The following PP2D1 variants were observed in gnomAD, a reference collection of about 807,000 sequenced individuals.
The protein encoded by PP2D1 is protein phosphatase 2C like domain containing 1, also known as protein phosphatase 2C-like domain-containing protein 1.
Under a neutral mutation model 30.2 loss-of-function variants are expected in PP2D1, and 25 were observed. The observed-to-expected ratio is 0.83, with a 90% CI of 0.60 to 1.16. The LOEUF (loss-of-function observed/expected upper bound fraction) is 1.16, where lower values mean the gene tolerates loss of function less well. Among genes scored for constraint, PP2D1 ranks in the 50% most tolerant of loss-of-function variants. The pLI, the probability that PP2D1 is intolerant of heterozygous loss-of-function variation, is 0.00. For missense variants in PP2D1, 760 were observed against 742.4 expected, an observed-to-expected ratio of 1.02 and a Z score of -0.28; for synonymous variants, 260 against 258.9, an observed-to-expected ratio of 1.00 and a Z score of -0.04.
At position 19,985,978 on chromosome 3, in the gene PP2D1, A is replaced by G; in HGVS notation, c.1295T>C (p.Ile432Thr). 3 of 1,536,180 alleles carry G rather than the reference A, an allele frequency of 2.0e-6. No homozygotes were observed. Among genetic ancestry groups the G allele is most frequent in the Non-Finnish European group, 2.6e-6 (3 of 1,146,868 alleles). Residue 432 changes from isoleucine to threonine, a missense_variant, in exon 3 of 3, where the codon ATT becomes ACT. By Grantham distance (89) the Ile-to-Thr change is moderately conservative. Around this residue, in one of 3 missense-constraint regions of PP2D1, gnomAD observed 369 missense variants for 316.2 expected, o/e 1.17. Transcript: ENST00000389050. ...FHGNLKLKKS[I>T]IPAPQTISVP... is the part of the protein sequence containing the mutation. ...AGAAATAGTTTGAGGTGCTGGGATAATGGATTTTTTCAGCTTGAGATTTCC... is the reference window on the plus strand; with the variant it reads ...AGAAATAGTTTGAGGTGCTGGGATAGTGGATTTTTTCAGCTTGAGATTTCC...
chr3:19,984,558 G>A (rs931955247), downstream of PP2D1: 11 of 176,068 alleles, frequency 6.2e-5, no homozygotes, highest in Non-Finnish European at 1.3e-4. Flanking sequence ...CCAGGTGTCT[G>A]TGATTTCTAA....
rs1697016598 is a variant in PP2D1, at chr3:19,985,545, A to T, written c.1728T>A (p.Asp576Glu). ...CTGATTCTTTTTCATTTGTTGCCAC[A>T]TCATTTACACTAGTTGGTCTGTCAG... ...KVTDRPTSVN[D>E]VATNEKESDT... Residue 576 changes from aspartate (D) to glutamate (E), a missense_variant, in exon 3 of 3, where the codon GAT (aspartate) becomes GAA (glutamate). Around this residue, in one of 3 missense-constraint regions of PP2D1, gnomAD observed 369 missense variants for 316.2 expected, o/e 1.17. Transcript: ENST00000389050. 2.6e-6 allele frequency: 4 copies of T among 1,536,070 alleles called. No homozygotes were observed. In the South Asian group the frequency reaches 3.6e-5, roughly 14 times the overall value.
chr3:19,983,147 G>A (rs1261250921), downstream of PP2D1, among the ~76,000 whole-genome samples: 1 of 151,952 alleles, frequency 6.6e-6, no homozygotes, highest in Non-Finnish European at 1.5e-5. Context: ...GATCAGCCTG[G>A]GCAACATGGT....
In PP2D1 at chr3:20,012,217, G is replaced by A. The variant is rs375400486; in HGVS notation, c.-145C>T. The A allele has an allele frequency of 7.9e-5, 52 of 662,116 alleles. No individual in the cohort carries two copies. The African/African-American group carries it at 8.2e-4, about 10-fold the overall frequency. The allele number at this position is 662,116 out of a possible 1,614,324, so 41.0% of individuals were successfully genotyped here. A position where few individuals can be genotyped will look rare whatever the true frequency, so the allele number is the denominator to read the frequency against. On this transcript the variant is annotated 5_prime_UTR_variant, in exon 1 of 3. Transcript: ENST00000389050. ...AAGTAGTGGTGATGGTGATGATAGC[G>A]ATGGTGGGCATTCCCCTCACTTGAT...
Position 19,985,898 on chromosome 3 carries a change from C to G in PP2D1, c.1375G>C (p.Glu459Gln), listed in dbSNP as rs1471315564. The G allele has an allele frequency of 1.8e-5, 28 of 1,536,316 alleles. No individual in the cohort carries two copies. The highest frequency in any genetic ancestry group is 2.4e-5 in the Non-Finnish European group (27 of 1,146,966). Residue 459 changes from glutamate to glutamine, a missense_variant, in exon 3 of 3, where the codon GAA becomes CAA. Glu to Gln is a conservative substitution (Grantham distance 29, BLOSUM62 2). Coordinates refer to ENST00000389050, the MANE Select transcript of PP2D1 (RefSeq NM_001252657.2). Reference protein sequence around the residue: ...FLIVATNGLWEVLDKEEVTAL... With the variant: ...FLIVATNGLWQVLDKEEVTAL... ...GTAACTTCCTCTTTATCCAAAACTT[C>G]CCAAAGTCCATTAGTAGCTACAATA...
intron 2 of PP2D1, among the ~76,000 whole-genome samples, chr3:19,998,467 C>T (rs1697210656): frequency 6.6e-6 from 1 of 152,134 alleles, no homozygotes; most frequent in African/African-American, 2.4e-5. Flanking sequence ...GTGTTCCCAA[C>T]ACAAAGAAAT....
chr3:19,981,681 G>A (rs926011580), downstream of PP2D1, among the ~76,000 whole-genome samples: 3 of 152,030 alleles, frequency 2.0e-5, no homozygotes, highest in African/African-American at 4.8e-5. Context: ...TAGCCCCATT[G>A]TAAGTCAAGG....
intron 2 of PP2D1, among the ~76,000 whole-genome samples, chr3:19,995,994 A>G (rs1474555953): frequency 6.6e-6 from 1 of 152,186 alleles, no homozygotes; most frequent in East Asian, 1.9e-4. Context: ...ATTTATAGTA[A>G]TAAACTCCAA....
intron 2 of PP2D1, among the ~76,000 whole-genome samples, chr3:19,997,186 C>T (rs1184316810): frequency 6.8e-6 from 1 of 146,444 alleles, no homozygotes; most frequent in Non-Finnish European, 1.5e-5. Context: ...GGGAGCAGAT[C>T]CCACTACTGA....
At chr3:19,991,899 T>G (rs577629653) in intron 2 of PP2D1, among the ~76,000 whole-genome samples, 1 of 152,154 alleles carries the variant, frequency 6.6e-6, no homozygotes, top group East Asian at 1.9e-4. Flanking sequence ...AGGCTTAAGA[T>G]AGTAGGCAGT....
At chr3:19,987,367 A>G (rs938477037) in intron 2 of PP2D1, among the ~76,000 whole-genome samples, 5 of 152,300 alleles carry the variant, frequency 3.3e-5, no homozygotes, top group Admixed American at 6.5e-5. Context: ...TAAATTACAT[A>G]TAATTACATA....
intron 1 of PP2D1, among the ~76,000 whole-genome samples, chr3:20,010,902 C>T (rs1697377301): frequency 6.6e-6 from 1 of 152,164 alleles, no homozygotes; most frequent in African/African-American, 2.4e-5. Flanking sequence ...GATGAGGATG[C>T]ACCCTGCCCT....
Position 20,012,084 on chromosome 3 carries a change from A to G in PP2D1, c.-12T>C. On this transcript the variant is annotated 5_prime_UTR_variant, in exon 1 of 3. Transcript: ENST00000389050. ...TTATTGGTGCTCATGTTCCTTTGGA[A>G]TTACCTTTCTTTGCCCTCCCTTTAT... 6.5e-7 allele frequency: 1 copy of G among 1,531,462 alleles called. No individual in the cohort carries two copies. Among genetic ancestry groups the G allele is most frequent in the Non-Finnish European group, 8.7e-7 (1 of 1,143,900 alleles). The allele number at this position is 1,531,462 out of a possible 1,614,324, so 94.9% of individuals were successfully genotyped here. A position where few individuals can be genotyped will look rare whatever the true frequency, so the allele number is the denominator to read the frequency against.
chr3:19,986,975 TGTG>T (rs1478730610), intron 2 of PP2D1, among the ~76,000 whole-genome samples: 5 of 150,754 alleles, frequency 3.3e-5, no homozygotes, highest in Non-Finnish European at 4.4e-5. Context: ...AGGTGGAGGT[TGTG>T]GTGAGCTGAG....
chr3:20,004,362 C>T (rs1697292738), intron 1 of PP2D1, among the ~76,000 whole-genome samples: 1 of 152,144 alleles, frequency 6.6e-6, no homozygotes, highest in African/African-American at 2.4e-5. Flanking sequence ...CACACAACAG[C>T]GACATTGCCT....
chr3:19,980,786 A>G (rs895805259), downstream of PP2D1, among the ~76,000 whole-genome samples: 6 of 152,198 alleles, frequency 3.9e-5, no homozygotes, highest in African/African-American at 1.4e-4. Context: ...TATTTATGCT[A>G]CCAGCCCAGA....
intron 1 of PP2D1, among the ~76,000 whole-genome samples, chr3:20,004,628 T>C (rs1259811042): frequency 6.6e-6 from 1 of 152,176 alleles, no homozygotes; most frequent in Non-Finnish European, 1.5e-5. Flanking sequence ...GATATATTTC[T>C]GGAAAGCAGG....
At chr3:19,999,785 T>C (rs1350541887) in intron 2 of PP2D1, among the ~76,000 whole-genome samples, 1 of 152,176 alleles carries the variant, frequency 6.6e-6, no homozygotes, top group Non-Finnish European at 1.5e-5. Flanking sequence ...ATATCTTCCA[T>C]AGGGGTCCCA....
chr3:20,003,008 TGGTG>T (rs1697274420), intron 1 of PP2D1, among the ~76,000 whole-genome samples: 1 of 151,570 alleles, frequency 6.6e-6, no homozygotes, highest in Non-Finnish European at 1.5e-5. Context: ...TGAGCCGAGA[TGGTG>T]CCACTGCACT....
Sources: gnomAD v4.1 joint callset for allele counts (sites outside exome capture counted in the v4.1 genomes callset) on GRCh38, gnomAD v4.1.1 for gene constraint, gnomAD v4.1.1 regional missense constraint, MANE v1.5 for transcripts, NCBI Gene and HGNC (gene_info 2026-07-23, HGNC 2026-07-21) for gene names.